The following STK24 variants were observed in gnomAD, a reference collection of about 807,000 sequenced individuals.
The protein encoded by STK24 is serine/threonine kinase 24, also known as serine/threonine-protein kinase 24.
A neutral mutation model predicts 55.6 loss-of-function variants in STK24; 21 were observed. The observed-to-expected ratio is 0.38, with a 90% CI of 0.27 to 0.54. The LOEUF is 0.54. STK24 is among the 20% of genes least tolerant of loss of function. The probability of loss-of-function intolerance (pLI) is 0.79; values close to 1 mark genes in which losing one functional copy is unlikely to be tolerated. For synonymous variants in STK24, 200 were observed against 215.2 expected, an observed-to-expected ratio of 0.93 and a Z score of 0.62; for missense variants, 383 against 538.4, an observed-to-expected ratio of 0.71 and a Z score of 2.86.
At chr13:98,468,945 T>A (rs1390155694) in intron 5 of STK24, among the ~76,000 whole-genome samples, 1 of 152,180 alleles carries the variant, frequency 6.6e-6, no homozygotes, top group Non-Finnish European at 1.5e-5. Context: ...CCTCCAGACC[T>A]CCAAGCACCT....
At chr13:98,505,834 G>A (rs933918134) in intron 2 of STK24, among the ~76,000 whole-genome samples, 1 of 152,080 alleles carries the variant, frequency 6.6e-6, no homozygotes, top group African/African-American at 2.4e-5. Flanking sequence ...CTTTTCCCGG[G>A]ACAAAGAAAT....
At chr13:98,548,370 G>A (rs1368435757) in intron 1 of STK24, among the ~76,000 whole-genome samples, 1 of 152,156 alleles carries the variant, frequency 6.6e-6, no homozygotes, top group Non-Finnish European at 1.5e-5. Context: ...AGCCACAACT[G>A]CCAATGCTAC....
chr13:98,551,052 C>T (rs952819530), intron 1 of STK24, among the ~76,000 whole-genome samples: 11 of 151,994 alleles, frequency 7.2e-5, no homozygotes, highest in South Asian at 2.1e-4. Context: ...TTTGGGAGGC[C>T]GAGGTGGGTG....
At chr13:98,536,629 G>A (rs61971163) in intron 1 of STK24, among the ~76,000 whole-genome samples, 39,178 of 151,910 alleles carry the variant, frequency 0.26, 5,957 homozygotes, top group East Asian at 0.42. Context: ...CTCCCAAAGT[G>A]CTGGGATTAT....
At chr13:98,492,425 T>C (rs1895078053) in intron 2 of STK24, among the ~76,000 whole-genome samples, 1 of 152,190 alleles carries the variant, frequency 6.6e-6, no homozygotes, top group African/African-American at 2.4e-5. Context: ...AGGGTGCTTT[T>C]GGAAATGAGT....
At chr13:98,511,575 T>C (rs1444922874) in intron 2 of STK24, among the ~76,000 whole-genome samples, 2 of 152,240 alleles carry the variant, frequency 1.3e-5, no homozygotes, top group African/African-American at 2.4e-5. Flanking sequence ...GTAAACCTGG[T>C]TATACACACC....
chr13:98,531,474 G>A (rs1315912361), intron 1 of STK24, among the ~76,000 whole-genome samples: 1 of 152,110 alleles, frequency 6.6e-6, no homozygotes, highest in Non-Finnish European at 1.5e-5. Context: ...CCTGGGAAGC[G>A]CCCAGGGCAT....
rs1277770576 is a variant in STK24, at chr13:98,457,267, C to A, written c.1160G>T (p.Gly387Val). ...EKSQACGGNL[G>V]SIEELRGAIY... ...GGCCCCTCGCAGCTCTTCAATGGAC[C>A]CCAAGTTCCCTCCGCACGCCTGGCT... Residue 387 changes from glycine (G) to valine (V), a missense_variant, in exon 10 of 11, where the codon GGG becomes GTG. Physicochemically the swap from Gly to Val is moderately radical, Grantham distance 109. Transcript: ENST00000539966. 6.2e-7 allele frequency: 1 copy of A among 1,613,962 alleles called. No individual in the cohort carries two copies. Among genetic ancestry groups the A allele is most frequent in the East Asian group, 2.2e-5 (1 of 44,864 alleles).
chr13:98,546,901 GT>G (rs1013321735), intron 1 of STK24, among the ~76,000 whole-genome samples: 1 of 94,138 alleles, frequency 1.1e-5, no homozygotes, highest in Non-Finnish European at 2.4e-5. Flanking sequence ...TCTAATTGTT[GT>G]TTTTTTTTGT....
chr13:98,555,183 T>A (rs1897256000), intron 1 of STK24, among the ~76,000 whole-genome samples: 1 of 152,068 alleles, frequency 6.6e-6, no homozygotes, highest in African/African-American at 2.4e-5. Context: ...CTTTACAGAG[T>A]GAACGCTGAG....
intron 1 of STK24, among the ~76,000 whole-genome samples, chr13:98,535,366 A>T (rs1025358638): frequency 1.6e-3 from 64 of 39,424 alleles, no homozygotes; most frequent in South Asian, 9.7e-3. Flanking sequence ...ACAAACAAAA[A>T]AAAAATATAT....
chr13:98,454,230 C>T (rs1471754532), intron 10 of STK24: 1 of 152,162 alleles, frequency 6.6e-6, no homozygotes, highest in Non-Finnish European at 1.5e-5. Context: ...ATTTGGGCTA[C>T]AGTGGTGGGA....
chr13:98,507,541 C>G (rs1297054926), intron 2 of STK24, among the ~76,000 whole-genome samples: 1 of 152,202 alleles, frequency 6.6e-6, no homozygotes, highest in Non-Finnish European at 1.5e-5. Flanking sequence ...AAGGCCTTTC[C>G]AGCTCTAATT....
In STK24 at chr13:98,459,561, C is replaced by T. The variant is rs535701532; in HGVS notation, c.1122+811G>A. ...GCCCATGGCCGGGGGTCCCCCGCTG[C>T]GTGACGCAGGCACAGGGGAGGAGAA... On this transcript the variant is annotated intron_variant, in intron 9 of 10. Transcript: ENST00000539966. 1.2e-4 allele frequency among the ~76,000 whole-genome samples: 18 copies of T among 152,350 alleles called. No individual in the cohort carries two copies. In the South Asian group the frequency reaches 2.5e-3, roughly 21 times the overall value.
chr13:98,458,369 C>G (rs571176451), intron 9 of STK24, among the ~76,000 whole-genome samples: 14 of 152,304 alleles, frequency 9.2e-5, no homozygotes, highest in African/African-American at 3.4e-4. Flanking sequence ...AGGCGACATT[C>G]AGCTTGGTTT....
At chr13:98,522,069 A>C in intron 1 of STK24, 1 of 1,373,178 alleles carries the variant, frequency 7.3e-7, no homozygotes, top group Non-Finnish European at 9.4e-7. Context: ...GGTCCTCCCC[A>C]CCACTGCAGC....
chr13:98,462,909 T>C (rs952569247), intron 7 of STK24, among the ~76,000 whole-genome samples: 2 of 152,154 alleles, frequency 1.3e-5, no homozygotes, highest in African/African-American at 4.8e-5. Context: ...CTCCAGTCTC[T>C]TTCTCTTGTC....
intron 5 of STK24, among the ~76,000 whole-genome samples, chr13:98,469,738 T>C (rs2139274956): frequency 6.6e-6 from 1 of 152,132 alleles, no homozygotes; most frequent in South Asian, 2.1e-4. Context: ...TAAAGGGATC[T>C]CTTCTCCCCA....
intron 2 of STK24, among the ~76,000 whole-genome samples, chr13:98,501,397 G>A (rs534320388): frequency 1.3e-5 from 2 of 152,354 alleles, no homozygotes; most frequent in South Asian, 2.1e-4. Flanking sequence ...GGGGCAGCGA[G>A]AGAGACTCCA....
Sources: allele counts gnomAD v4.1 joint callset (sites outside exome capture counted in the v4.1 genomes callset), GRCh38; gene constraint gnomAD v4.1.1; transcripts MANE v1.5; gene names NCBI Gene and HGNC (gene_info 2026-07-23, HGNC 2026-07-21).